The following FAM111B variants were observed in gnomAD, a reference collection of about 807,000 sequenced individuals.
FAM111B encodes serine protease FAM111B.
Under a neutral mutation model 2.8 loss-of-function variants are expected in FAM111B, and 1 was observed. The observed-to-expected ratio is 0.36, with a 90% CI of 0.13 to 1.70. FAM111B has a LOEUF of 1.70. FAM111B is among the 40% of genes most tolerant of loss of function. FAM111B has a pLI of 0.35. For missense variants in FAM111B, 882 were observed against 878.9 expected, an observed-to-expected ratio of 1.00 and a Z score of -0.04; for synonymous variants, 297 against 295.6, an observed-to-expected ratio of 1.00 and a Z score of -0.05.
Position 59,124,340 on chromosome 11 carries a change from C to T in FAM111B, c.243C>T (p.Phe81=), listed in dbSNP as rs1332217682. Residue 81 remains phenylalanine (F), a synonymous_variant, in exon 4 of 4, where the codon TTC becomes TTT. Transcript: ENST00000343597. ...ATTTGAACAATAAAGAATGTTGTTT[C>T]ACCTTTACGTTGAATGGAAACTCCA... The part of the protein sequence containing the change: ...NPNLNNKECC[F]TFTLNGNSRK... 2 of 1,613,798 alleles carry T rather than the reference C, an allele frequency of 1.2e-6. No individual in the cohort carries two copies. The highest frequency in any genetic ancestry group is 1.7e-6 in the Non-Finnish European group (2 of 1,179,808).
At chr11:59,111,084 T>C (rs750300774) in intron 3 of FAM111B, among the ~76,000 whole-genome samples, 1 of 152,326 alleles carries the variant, frequency 6.6e-6, no homozygotes, top group Non-Finnish European at 1.5e-5. Flanking sequence ...TGTTCTGCTT[T>C]TCATGTTATC....
intron 3 of FAM111B, among the ~76,000 whole-genome samples, chr11:59,111,635 C>G (rs914506886): frequency 3.3e-5 from 5 of 152,104 alleles, no homozygotes; most frequent in African/African-American, 1.2e-4. Context: ...TACAAATTCT[C>G]AGTTATATCA....
rs1004545492 is a variant in FAM111B at position 59,127,214 on chromosome 11, A to G, written c.*912A>G. ...ACACATGGACACAAAGAAGAAAACA[A>G]CAGATATGGGGCCTACTTGAGGGTG... On this transcript the variant is annotated 3_prime_UTR_variant, in exon 4 of 4. Coordinates refer to ENST00000343597, the MANE Select transcript of FAM111B (RefSeq NM_198947.4). 2 of 152,060 alleles carry G rather than the reference A, an allele frequency of 1.3e-5. No homozygotes were observed. The highest frequency in any genetic ancestry group is 2.9e-5 in the Non-Finnish European group (2 of 67,986). The allele number at this position is 152,060 out of a possible 1,614,324, so 9.4% of individuals were successfully genotyped here. A position where few individuals can be genotyped will look rare whatever the true frequency, so the allele number is the denominator to read the frequency against.
intron 3 of FAM111B, among the ~76,000 whole-genome samples, chr11:59,122,719 T>A (rs1379502709): frequency 6.6e-6 from 1 of 152,132 alleles, no homozygotes; most frequent in African/African-American, 2.4e-5. Context: ...CAACAAAATA[T>A]TAATATCTGG....
chr11:59,114,410 T>G (rs960322920), intron 3 of FAM111B, among the ~76,000 whole-genome samples: 1 of 151,944 alleles, frequency 6.6e-6, no homozygotes, highest in African/African-American at 2.4e-5. Flanking sequence ...GGAGGGGGCC[T>G]GCAGTGGCCT....
intron 3 of FAM111B, among the ~76,000 whole-genome samples, chr11:59,111,186 G>A (rs1859753166): frequency 6.6e-6 from 1 of 152,090 alleles, no homozygotes; most frequent in Non-Finnish European, 1.5e-5. Context: ...GGTTTCCTGA[G>A]GAAACTTCTC....
chr11:59,125,364 A>G lies in FAM111B; in HGVS notation c.1267A>G (p.Met423Val). The G allele has an allele frequency of 1.2e-6, 2 of 1,613,964 alleles. No individual in the cohort carries two copies. The highest frequency in any genetic ancestry group is 1.7e-6 in the Non-Finnish European group (2 of 1,179,826). The change falls in exon 4 of 4, where the codon ATG (methionine) becomes GTG (valine). Residue 423 changes from methionine to valine, a missense_variant. By Grantham distance (21) the Met-to-Val change is conservative. Coordinates refer to ENST00000343597, the MANE Select transcript of FAM111B (RefSeq NM_198947.4). ...RKYFREEQKR[M>V]NLSPAKQFNI... The stretch of plus-strand genomic sequence containing the variant: ...ATATTTTCGGGAAGAACAAAAGAGA[A>G]TGAATCTTTCACCAGCTAAGCAATT...
In FAM111B at chr11:59,113,127, G is replaced by T. The variant is rs189078565; in HGVS notation, c.81+3421G>T. On this transcript the variant is annotated intron_variant, in intron 3 of 3. Coordinates refer to ENST00000343597, the MANE Select transcript of FAM111B (RefSeq NM_198947.4). ...TTCCAGAGTTGTAGTTTTAGGTTTA[G>T]TCTGCAATTGATTTTAAGTTTTATT... Among the ~76,000 whole-genome samples the T allele has an allele frequency of 9.9e-4, 150 of 152,250 alleles. 1 individual carries two copies. In the Middle Eastern group the frequency reaches 0.017, roughly 17 times the overall value.
chr11:59,121,710 G>A (rs1032604556), intron 3 of FAM111B, among the ~76,000 whole-genome samples: 1 of 152,094 alleles, frequency 6.6e-6, no homozygotes, highest in Admixed American at 6.6e-5. Context: ...ACATATTTGA[G>A]GATATTCATA....
chr11:59,126,876 A>G lies in FAM111B; in HGVS notation c.*574A>G, dbSNP rs1860046634. ...AAAACAGCTACCATTCAAGCCAGCAATCTCATGACTGGGTATATGTCCAAA... is the reference window on the plus strand; with the variant it reads ...AAAACAGCTACCATTCAAGCCAGCAGTCTCATGACTGGGTATATGTCCAAA... On this transcript the variant is annotated 3_prime_UTR_variant, in exon 4 of 4. Transcript: ENST00000343597. The G allele has an allele frequency of 6.2e-6, 1 of 160,534 alleles. No homozygotes were observed. Among genetic ancestry groups the G allele is most frequent in the Non-Finnish European group, 1.5e-5 (1 of 68,114 alleles). 9.9% of individuals were successfully genotyped at this position (160,534 alleles called of 1,614,324 possible).
Position 59,125,679 on chromosome 11 carries a change from A to G in FAM111B, c.1582A>G (p.Asn528Asp). Residue 528 changes from asparagine (N) to aspartate (D), a missense_variant, in exon 4 of 4, where the codon AAT (asparagine) becomes GAT (aspartate). Asn to Asp is a conservative substitution (Grantham distance 23). Transcript: ENST00000343597. ...TYTEFCPTPD[N>D]WFSIEPWLKV... ...TACAGAGTTCTGCCCTACTCCTGAC[A>G]ATTGGTTTTCCATTGAGCCATGGCT... is the stretch of plus-strand genomic sequence containing the variant. The G allele has an allele frequency of 6.2e-7, 1 of 1,613,934 alleles. No individual in the cohort carries two copies. Among genetic ancestry groups the G allele is most frequent in the East Asian group, 2.2e-5 (1 of 44,876 alleles).
chr11:59,119,938 A>C (rs979478032), intron 3 of FAM111B, among the ~76,000 whole-genome samples: 1 of 152,220 alleles, frequency 6.6e-6, no homozygotes, highest in Non-Finnish European at 1.5e-5. Context: ...GAAACAAAAA[A>C]TATTTATAGA....
Position 59,124,713 on chromosome 11 carries a change from GA to G in FAM111B, c.621del (p.Gly208GlufsTer9), listed in dbSNP as rs745605317. On this transcript the variant is annotated frameshift_variant, in exon 4 of 4. Transcript: ENST00000343597. LOFTEE classifies it low-confidence loss of function (END_TRUNC). ...GATTGTTAAGATCAACGAACTTCAT[GA>G]AAAAGGAAGTAAACTTTGTATTTAT... ...KKIVKINELH[E>X]KGSKLCIYAL... 59 of 1,613,192 alleles carry G rather than the reference GA, an allele frequency of 3.7e-5. No homozygotes were observed. The South Asian group carries it at 5.9e-4, about 16-fold the overall frequency.
At chr11:59,113,153 T>C (rs1040485444) in intron 3 of FAM111B, among the ~76,000 whole-genome samples, 5 of 152,114 alleles carry the variant, frequency 3.3e-5, no homozygotes, top group African/African-American at 1.2e-4. Flanking sequence ...AAGTTTTATT[T>C]ATTTTTTGTA....
chr11:59,109,593 G>C lies in FAM111B; in HGVS notation c.-33G>C. The C allele has an allele frequency of 7.0e-7, 1 of 1,427,222 alleles. No homozygotes were observed. The highest frequency in any genetic ancestry group is 9.7e-7 in the Non-Finnish European group (1 of 1,030,294). 88.4% of individuals were successfully genotyped at this position (1,427,222 alleles called of 1,614,324 possible). A position where few individuals can be genotyped will look rare whatever the true frequency, so the allele number is the denominator to read the frequency against. On this transcript the variant is annotated 5_prime_UTR_variant, in exon 3 of 4. Coordinates refer to ENST00000343597, the MANE Select transcript of FAM111B (RefSeq NM_198947.4). ...CCTTGTTTCTCCATCTTATCGAGTA[G>C]TAGAAGTTAGTTACATTCTCTTTGA...
intron 3 of FAM111B, among the ~76,000 whole-genome samples, chr11:59,115,426 A>T (rs1277543164): frequency 1.3e-5 from 2 of 152,162 alleles, no homozygotes; most frequent in African/African-American, 4.8e-5. Flanking sequence ...CATCACACTA[A>T]AACACCCAGC....
At chr11:59,120,251 T>G (rs868615919) in intron 3 of FAM111B, among the ~76,000 whole-genome samples, 101 of 152,182 alleles carry the variant, frequency 6.6e-4, no homozygotes, top group African/African-American at 2.3e-3. Flanking sequence ...AAATATACCA[T>G]TGGAATAGAA....
Position 59,125,339 on chromosome 11 carries a change from A to G in FAM111B, c.1242A>G (p.Lys414=). 1 of 1,614,018 alleles carries G rather than the reference A, an allele frequency of 6.2e-7. No homozygotes were observed. Among genetic ancestry groups the G allele is most frequent in the Non-Finnish European group, 8.5e-7 (1 of 1,179,874 alleles). ...AAGAGGAGGCACAGTGGGTAAGAAA[A>G]TATTTTCGGGAAGAACAAAAGAGAA... is the stretch of plus-strand genomic sequence containing the variant. The part of the protein sequence containing the change: ...NFKEEAQWVR[K]YFREEQKRMN... Residue 414 remains lysine (K), a synonymous_variant, in exon 4 of 4, where the codon AAA becomes AAG. Coordinates refer to ENST00000343597, the MANE Select transcript of FAM111B (RefSeq NM_198947.4).
chr11:59,126,014 T>C lies in FAM111B; in HGVS notation c.1917T>C (p.Leu639=), dbSNP rs748140473. The part of the protein sequence containing the change: ...FLSEVWNTHT[L]SYDTCFSDGS... ...CAGAGGTTTGGAACACACACACGCT[T>C]AGTTATGATACTTGTTTCTCTGATG... The change falls in exon 4 of 4, where the codon CTT becomes CTC. Residue 639 remains leucine, a synonymous_variant. Coordinates refer to ENST00000343597, the MANE Select transcript of FAM111B (RefSeq NM_198947.4). 25 of 1,613,834 alleles carry C rather than the reference T, an allele frequency of 1.5e-5. No individual in the cohort carries two copies. The highest frequency in any genetic ancestry group is 2.2e-5 in the South Asian group (2 of 91,070).
Sources: allele counts gnomAD v4.1 joint callset (sites outside exome capture counted in the v4.1 genomes callset), GRCh38; gene constraint gnomAD v4.1.1; transcripts MANE v1.5; gene names NCBI Gene and HGNC (gene_info 2026-07-23, HGNC 2026-07-21).